The following PCDHGA10 variants were observed in gnomAD, a reference collection of about 807,000 sequenced individuals.
PCDHGA10 encodes protocadherin gamma-A10.
Under a neutral mutation model 59.5 loss-of-function variants are expected in PCDHGA10, and 42 were observed. The ratio of observed to expected loss-of-function variants is 0.71; its 90% confidence interval spans 0.55 to 0.91. PCDHGA10 has a LOEUF of 0.91. Ranked by LOEUF, PCDHGA10 falls within the 40% of genes least tolerant of loss-of-function variation. The pLI, the probability that PCDHGA10 is intolerant of heterozygous loss-of-function variation, is 0.00. For missense variants in PCDHGA10, 1,111 were observed against 1,198.2 expected (o/e 0.93, Z 1.07); for synonymous variants, 511 against 517.2 (o/e 0.99, Z 0.16).
intron 1 of PCDHGA10, among the ~76,000 whole-genome samples, chr5:141,447,652 C>T (rs901761789): frequency 6.6e-6 from 1 of 151,972 alleles, no homozygotes; most frequent in African/African-American, 2.4e-5. Context: ...TAGAATTTTC[C>T]CCCCCAGGAA....
Position 141,511,617 on chromosome 5 carries a change from C to T in PCDHGA10, c.*444C>T, listed in dbSNP as rs1562253545. The T allele has an allele frequency of 4.3e-6, 1 of 233,232 alleles. No homozygotes were observed. Among genetic ancestry groups the T allele is most frequent in the African/African-American group, 2.2e-5 (1 of 45,220 alleles). The allele number at this position is 233,232 out of a possible 1,614,324, so 14.4% of individuals were successfully genotyped here. A position where few individuals can be genotyped will look rare whatever the true frequency, so the allele number is the denominator to read the frequency against. Reference sequence around the variant, plus strand: ...CAAGTAACCTACAAGCCTCCTAGTTCTGAAAAGTTGGAAGGGCATCATGAC... The same window carrying T: ...CAAGTAACCTACAAGCCTCCTAGTTTTGAAAAGTTGGAAGGGCATCATGAC... On this transcript the variant is annotated 3_prime_UTR_variant, in exon 4 of 4. Coordinates refer to ENST00000398610, the MANE Select transcript of PCDHGA10 (RefSeq NM_018913.3).
At chr5:141,446,069 C>T (rs552817495) in intron 1 of PCDHGA10, among the ~76,000 whole-genome samples, 1 of 152,102 alleles carries the variant, frequency 6.6e-6, no homozygotes, top group South Asian at 2.1e-4. Flanking sequence ...AAAGGGGAGG[C>T]AGTGGATGTA....
At chr5:141,456,899 G>T (rs1592472053) in intron 1 of PCDHGA10, among the ~76,000 whole-genome samples, 1 of 152,212 alleles carries the variant, frequency 6.6e-6, no homozygotes, top group East Asian at 1.9e-4. Context: ...GGAGGCAGAG[G>T]TTGCAGTGAG....
At chr5:141,454,875 T>G (rs2098805612) in intron 1 of PCDHGA10, among the ~76,000 whole-genome samples, 1 of 144,402 alleles carries the variant, frequency 6.9e-6, no homozygotes, top group African/African-American at 2.6e-5. Context: ...TGGCACGATC[T>G]TGGCTCACTG....
rs772195653 is a variant in PCDHGA10 at position 141,477,704 on chromosome 5, C to A, written c.2437-17103C>A. On this transcript the variant is annotated intron_variant, in intron 1 of 3. Transcript: ENST00000398610. The surrounding 1 kb of genome is among the most constrained non-coding windows in gnomAD (Gnocchi z 4.9). ...CTTAGTGCCCCTAGACTATGAGGAT[C>A]GGCGGGAATTTGAATTAACAGCTCA... The A allele has an allele frequency of 5.0e-6, 8 of 1,613,850 alleles. No individual in the cohort carries two copies. Among genetic ancestry groups the A allele is most frequent in the Non-Finnish European group, 5.9e-6 (7 of 1,180,046 alleles).
chr5:141,446,528 G>A (rs2098505974), intron 1 of PCDHGA10, among the ~76,000 whole-genome samples: 1 of 151,952 alleles, frequency 6.6e-6, no homozygotes, highest in South Asian at 2.1e-4. Flanking sequence ...CCAGGCTGGA[G>A]TGCAGTGGCC....
intron 1 of PCDHGA10, chr5:141,427,448 TC>T (rs1355717683): frequency 6.2e-6 from 3 of 484,982 alleles, no homozygotes; most frequent in Non-Finnish European, 1.2e-5. Flanking sequence ...ACGAAAGAGT[TC>T]CTTTTAGAAT....
At chr5:141,422,167 A>G in intron 1 of PCDHGA10, 1 of 1,562,764 alleles carries the variant, frequency 6.4e-7, no homozygotes, top group Non-Finnish European at 8.6e-7. Context: ...TGAAAAATAT[A>G]GATTCTATGA....
chr5:141,450,015 T>A (rs911475310), intron 1 of PCDHGA10, among the ~76,000 whole-genome samples: 12 of 149,806 alleles, frequency 8.0e-5, no homozygotes, highest in Non-Finnish European at 1.6e-4. Flanking sequence ...TCTTTTTTTT[T>A]TTTTTTTTTG....
intron 1 of PCDHGA10, among the ~76,000 whole-genome samples, chr5:141,424,888 G>C (rs2096846233): frequency 6.6e-6 from 1 of 152,178 alleles, no homozygotes; most frequent in Non-Finnish European, 1.5e-5. Context: ...GACTTATCTA[G>C]GGTTTTTGAT....
intron 1 of PCDHGA10, among the ~76,000 whole-genome samples, chr5:141,448,837 C>CT (rs2098610093): frequency 6.6e-6 from 1 of 152,014 alleles, no homozygotes; most frequent in Non-Finnish European, 1.5e-5. Context: ...CCCAGCTACT[C>CT]TGGAGGCTGA....
chr5:141,511,412 C>A lies in PCDHGA10; in HGVS notation c.*239C>A. 1.1e-6 allele frequency: 1 copy of A among 892,000 alleles called. No homozygotes were observed. Among genetic ancestry groups the A allele is most frequent in the Non-Finnish European group, 1.6e-6 (1 of 609,476 alleles). The allele number at this position is 892,000 out of a possible 1,614,324, so 55.3% of individuals were successfully genotyped here. On this transcript the variant is annotated 3_prime_UTR_variant, in exon 4 of 4. Coordinates refer to ENST00000398610, the MANE Select transcript of PCDHGA10 (RefSeq NM_018913.3). ...AACCCCCATCCAATCAACTGCTGTA[C>A]CCATGGGGGTAGTGGGGTTACTGTA...
chr5:141,493,338 A>G lies in PCDHGA10; in HGVS notation c.2437-1469A>G, dbSNP rs773870729. Among the ~76,000 whole-genome samples the G allele has an allele frequency of 6.6e-6, 1 of 152,162 alleles. No individual in the cohort carries two copies. The highest frequency in any genetic ancestry group is 1.5e-5 in the Non-Finnish European group (1 of 68,028). On this transcript the variant is annotated intron_variant, in intron 1 of 3. Transcript: ENST00000398610. This position sits in a 1 kb window ranked among gnomAD's most constrained non-coding sequence, Gnocchi z 4.3. ...GATTCTAACCCCTGTCTAACTCCAG[A>G]ATGTGTGCTTTTAATTTCTTGGCAC...
intron 1 of PCDHGA10, chr5:141,433,086 C>A (rs747501244): frequency 1.9e-6 from 3 of 1,614,208 alleles, no homozygotes; most frequent in African/African-American, 2.7e-5. Context: ...CCCAACTATG[C>A]AGACATGCTC....
chr5:141,415,268 T>C lies in PCDHGA10; in HGVS notation c.2093T>C (p.Val698Ala). The C allele has an allele frequency of 6.2e-7, 1 of 1,614,174 alleles. No homozygotes were observed. The highest frequency in any genetic ancestry group is 8.5e-7 in the Non-Finnish European group (1 of 1,180,016). ...SETSDLTLYL[V>A]VAVAAVSCVF... ...ACCTCAGACCTCACTCTGTACCTGG[T>C]GGTAGCGGTGGCCGCGGTCTCCTGC... The change falls in exon 1 of 4, where the codon GTG (valine) becomes GCG (alanine). Residue 698 changes from valine (V) to alanine (A), a missense_variant. Transcript: ENST00000398610.
chr5:141,505,348 G>C, intron 2 of PCDHGA10, 45 bp from the exon 3 acceptor site: 1 of 1,613,358 alleles, frequency 6.2e-7, no homozygotes, highest in Non-Finnish European at 8.5e-7. Flanking sequence ...GGCATGAGCT[G>C]TGCCGGCCTG....
Position 141,489,842 on chromosome 5 carries a change from A to T in PCDHGA10, c.2437-4965A>T. ...GAGCTGGTGCTAGAGCAGCAGCTGGATCGTGAAGCCCAGGCAAGACATCAG... is the reference window on the plus strand; with the variant it reads ...GAGCTGGTGCTAGAGCAGCAGCTGGTTCGTGAAGCCCAGGCAAGACATCAG... On this transcript the variant is annotated intron_variant, in intron 1 of 3. Coordinates refer to ENST00000398610, the MANE Select transcript of PCDHGA10 (RefSeq NM_018913.3). The surrounding 1 kb of genome is among the most constrained non-coding windows in gnomAD (Gnocchi z 4.5). 6.2e-7 allele frequency: 1 copy of T among 1,614,186 alleles called. No homozygotes were observed. Among genetic ancestry groups the T allele is most frequent in the South Asian group, 1.1e-5 (1 of 91,086 alleles).
chr5:141,474,105 C>A (rs1292743515), intron 1 of PCDHGA10, among the ~76,000 whole-genome samples: 1 of 152,036 alleles, frequency 6.6e-6, no homozygotes, highest in African/African-American at 2.4e-5. Flanking sequence ...ACAACAAAAA[C>A]AACAACAACG....
At chr5:141,426,453 G>A (rs902416171) in intron 1 of PCDHGA10, 4 of 310,612 alleles carry the variant, frequency 1.3e-5, no homozygotes, top group African/African-American at 8.6e-5. Flanking sequence ...ACATGCGGCT[G>A]CATGTTCAGG....
Sources: allele counts gnomAD v4.1 joint callset (sites outside exome capture counted in the v4.1 genomes callset), GRCh38; gene constraint gnomAD v4.1.1; non-coding constraint Gnocchi (gnomAD v3.1); transcripts MANE v1.5; gene names NCBI Gene and HGNC (gene_info 2026-07-23, HGNC 2026-07-21).